Variants in TMEM132C observed in about 807,000 individuals in gnomAD.
TMEM132C encodes protein phosphatase 1, regulatory subunit 152.
TMEM132C carries 29 observed loss-of-function variants against 61.4 expected under a neutral mutation model. The observed-to-expected ratio is 0.47, with a 90% CI of 0.35 to 0.64. The LOEUF is 0.64. Ranked by LOEUF, TMEM132C falls within the 30% of genes least tolerant of loss-of-function variation. The probability of loss-of-function intolerance (pLI) is 0.00; values close to 1 mark genes in which losing one functional copy is unlikely to be tolerated. For missense variants in TMEM132C, 1,408 were observed against 1,476.9 expected, an observed-to-expected ratio of 0.95 and a Z score of 0.76; for synonymous variants, 656 against 633.1, an observed-to-expected ratio of 1.04 and a Z score of -0.54.
intron 2 of TMEM132C, among the ~76,000 whole-genome samples, chr12:128,471,695 C>T (rs1351845165): frequency 6.6e-6 from 1 of 152,044 alleles, no homozygotes; most frequent in Non-Finnish European, 1.5e-5. Context: ...TGACCTTGGG[C>T]AAATCACTTG....
intron 5 of TMEM132C, among the ~76,000 whole-genome samples, chr12:128,672,056 G>A (rs1397244082): frequency 2.6e-5 from 4 of 152,040 alleles, no homozygotes; most frequent in Non-Finnish European, 5.9e-5. Flanking sequence ...ATAATGCATT[G>A]TGTTTAACCC....
intron 2 of TMEM132C, among the ~76,000 whole-genome samples, chr12:128,429,463 G>A (rs887651653): frequency 2.6e-5 from 4 of 152,136 alleles, no homozygotes; most frequent in Admixed American, 1.3e-4. Flanking sequence ...TGTGGATCAC[G>A]AATGTGCCCG....
chr12:128,583,450 G>T (rs1431628919), intron 3 of TMEM132C, among the ~76,000 whole-genome samples: 1 of 151,716 alleles, frequency 6.6e-6, no homozygotes, highest in Non-Finnish European at 1.5e-5. Flanking sequence ...AAGAAAAGTT[G>T]CTCTGCAGGT....
intron 3 of TMEM132C, among the ~76,000 whole-genome samples, chr12:128,571,593 T>A (rs1874886904): frequency 6.6e-6 from 1 of 152,224 alleles, no homozygotes; most frequent in South Asian, 2.1e-4. Context: ...TGGTTCTATT[T>A]TCTGTCTCTA....
chr12:128,410,937 T>G (rs1465068395), intron 1 of TMEM132C, among the ~76,000 whole-genome samples: 1 of 152,226 alleles, frequency 6.6e-6, no homozygotes, highest in Non-Finnish European at 1.5e-5. Context: ...GAACAGTTCT[T>G]TCAACTTTCT....
chr12:128,682,041 A>C (rs1294404217), intron 5 of TMEM132C, among the ~76,000 whole-genome samples: 1 of 151,976 alleles, frequency 6.6e-6, no homozygotes, highest in Non-Finnish European at 1.5e-5. Flanking sequence ...CTTGAATCAA[A>C]ATCCTGAGGT....
intron 3 of TMEM132C, among the ~76,000 whole-genome samples, chr12:128,553,330 T>A (rs1408494235): frequency 6.6e-6 from 1 of 152,114 alleles, no homozygotes; most frequent in Non-Finnish European, 1.5e-5. Flanking sequence ...CTTATTTTTT[T>A]AATGCCTTTA....
At chr12:128,668,898 G>C (rs560213626) in intron 4 of TMEM132C, among the ~76,000 whole-genome samples, 1 of 152,058 alleles carries the variant, frequency 6.6e-6, no homozygotes, top group Non-Finnish European at 1.5e-5. Flanking sequence ...AGGATGACTG[G>C]ATCCACCTAG....
chr12:128,385,971 A>G lies in TMEM132C; in HGVS notation c.86-28761A>G, dbSNP rs550598114. ...GCTACCTCTTGATCACAGTGCTCCC[A>G]CAGAGAGCTGGGCTATGGCCCCTGG... On this transcript the variant is annotated intron_variant, in intron 1 of 8. Transcript: ENST00000435159. Among the ~76,000 whole-genome samples, 6 of 152,238 alleles carry G rather than the reference A, an allele frequency of 3.9e-5. No individual in the cohort carries two copies. The East Asian group carries it at 5.8e-4, about 15-fold the overall frequency.
At chr12:128,614,138 G>A (rs911737603) in intron 3 of TMEM132C, among the ~76,000 whole-genome samples, 2 of 152,122 alleles carry the variant, frequency 1.3e-5, no homozygotes, top group African/African-American at 4.8e-5. Context: ...CTTCCTTCTT[G>A]TTTCCACCAA....
At chr12:128,403,281 G>A (rs924113837) in intron 1 of TMEM132C, among the ~76,000 whole-genome samples, 1 of 152,162 alleles carries the variant, frequency 6.6e-6, no homozygotes, top group African/African-American at 2.4e-5. Context: ...GCAGTGACTT[G>A]GAAGGAAAAT....
chr12:128,609,950 G>A (rs763382678), intron 3 of TMEM132C, among the ~76,000 whole-genome samples: 2 of 152,178 alleles, frequency 1.3e-5, no homozygotes, highest in Admixed American at 1.3e-4. Flanking sequence ...CAGTCAGCCT[G>A]GTAATTTTGA....
intron 3 of TMEM132C, among the ~76,000 whole-genome samples, chr12:128,600,744 G>T (rs868480192): frequency 3.9e-4 from 59 of 152,324 alleles, no homozygotes; most frequent in African/African-American, 1.1e-3. Flanking sequence ...GGCCCACCAT[G>T]GACCACAATG....
At chr12:128,359,718 G>A (rs2135970637) in intron 1 of TMEM132C, among the ~76,000 whole-genome samples, 1 of 152,296 alleles carries the variant, frequency 6.6e-6, no homozygotes, top group South Asian at 2.1e-4. Context: ...CACTGTGAGT[G>A]TGGCGTCTAG....
intron 1 of TMEM132C, among the ~76,000 whole-genome samples, chr12:128,393,374 A>G (rs890558246): frequency 6.6e-6 from 1 of 151,958 alleles, no homozygotes; most frequent in African/African-American, 2.4e-5. Context: ...TATAAAATAG[A>G]CTCTCCTTCC....
intron 1 of TMEM132C, among the ~76,000 whole-genome samples, chr12:128,392,606 A>G (rs1874804564): frequency 6.6e-6 from 1 of 152,098 alleles, no homozygotes; most frequent in Non-Finnish European, 1.5e-5. Context: ...ATCAAAGAAG[A>G]CTTCCTGGAG....
intron 2 of TMEM132C, among the ~76,000 whole-genome samples, chr12:128,482,306 G>T (rs1871338253): frequency 6.6e-6 from 1 of 152,138 alleles, no homozygotes; most frequent in Non-Finnish European, 1.5e-5. Flanking sequence ...AAAGCACTGG[G>T]GAATTCTAAG....
intron 1 of TMEM132C, among the ~76,000 whole-genome samples, chr12:128,277,303 AGTTTCT>A (rs1451862790): frequency 6.6e-6 from 1 of 152,224 alleles, no homozygotes; most frequent in African/African-American, 2.4e-5. Context: ...GTCATTGGAC[AGTTTCT>A]GTTTCTCCCA....
At chr12:128,515,823 A>T (rs1007532063) in intron 2 of TMEM132C, among the ~76,000 whole-genome samples, 2 of 151,176 alleles carry the variant, frequency 1.3e-5, no homozygotes, top group Non-Finnish European at 2.9e-5. Flanking sequence ...CGACAGAGCG[A>T]GACTCCGTCT....
Sources: gnomAD v4.1 joint callset for allele counts (sites outside exome capture counted in the v4.1 genomes callset) on GRCh38, gnomAD v4.1.1 for gene constraint, MANE v1.5 for transcripts, NCBI Gene and HGNC (gene_info 2026-07-23, HGNC 2026-07-21) for gene names.